Variants in SPOCK3 observed in about 807,000 individuals in gnomAD.
SPOCK3 encodes SPARC (osteonectin), cwcv and kazal like domains proteoglycan 3.
A neutral mutation model predicts 56.6 loss-of-function variants in SPOCK3; 30 were observed. The ratio of observed to expected loss-of-function variants is 0.53; its 90% CI spans 0.40 to 0.72. The LOEUF is 0.72. Ranked by LOEUF, SPOCK3 falls within the 30% of genes least tolerant of loss-of-function variation. SPOCK3 has a pLI of 0.00. For missense variants in SPOCK3, 527 were observed against 530.0 expected (o/e 0.99, Z 0.06); for synonymous variants, 196 against 183.3 (o/e 1.07, Z -0.56).
intron 2 of SPOCK3, among the ~76,000 whole-genome samples, chr4:167,154,771 G>C (rs1191672879): frequency 6.6e-6 from 1 of 152,128 alleles, no homozygotes; most frequent in African/African-American, 2.4e-5. Flanking sequence ...ATTACAGTAT[G>C]TCATCTTTAT....
In SPOCK3 at chr4:166,903,676, TTC is replaced by T. The variant is rs540797572; in HGVS notation, c.474+8942_474+8943del. On this transcript the variant is annotated intron_variant, in intron 5 of 10. Coordinates refer to ENST00000357545, the MANE Select transcript of SPOCK3 (RefSeq NM_001040159.2). The stretch of plus-strand genomic sequence containing the variant: ...GTGTTTTGTTTTTTCCTGTCTCAGT[TTC>T]TGTGTTAGTGTTGTTACCTTCTAGT... Among the ~76,000 whole-genome samples the T allele has an allele frequency of 2.0e-5, 3 of 152,174 alleles. No individual in the cohort carries two copies. In the South Asian group the frequency reaches 6.2e-4, roughly 32 times the overall value.
At chr4:167,142,631 CA>C (rs1274886910) in intron 2 of SPOCK3, among the ~76,000 whole-genome samples, 1 of 151,832 alleles carries the variant, frequency 6.6e-6, no homozygotes, top group Non-Finnish European at 1.5e-5. Flanking sequence ...CTGTTGACCT[CA>C]TTGAAAACCG....
intron 4 of SPOCK3, among the ~76,000 whole-genome samples, chr4:166,983,882 A>G (rs915121143): frequency 6.6e-6 from 1 of 152,046 alleles, no homozygotes; most frequent in Non-Finnish European, 1.5e-5. Context: ...TGTCTTACAG[A>G]TAGTAGGTAC....
intron 5 of SPOCK3, among the ~76,000 whole-genome samples, chr4:166,908,794 A>T (rs560180045): frequency 3.0e-4 from 45 of 152,172 alleles, no homozygotes; most frequent in Non-Finnish European, 5.0e-4. Context: ...TACATCCATG[A>T]TCTAACATAA....
chr4:167,119,542 A>T (rs1761698268), intron 2 of SPOCK3, among the ~76,000 whole-genome samples: 1 of 152,182 alleles, frequency 6.6e-6, no homozygotes, highest in Non-Finnish European at 1.5e-5. Context: ...TCTTAACAAA[A>T]TACTCATCTC....
chr4:167,205,391 T>TAATATATAATATA (rs1734090150), intron 2 of SPOCK3, among the ~76,000 whole-genome samples: 2 of 42,866 alleles, frequency 4.7e-5, no homozygotes, highest in African/African-American at 2.4e-4. Context: ...ATATATATAT[T>TAATATATAATATA]TTATATATAA....
intron 2 of SPOCK3, among the ~76,000 whole-genome samples, chr4:167,212,596 TTGA>T (rs1734991456): frequency 6.6e-6 from 1 of 152,120 alleles, no homozygotes; most frequent in Non-Finnish European, 1.5e-5. Flanking sequence ...CAAGAAAATT[TTGA>T]TGATTTTAAC....
chr4:166,742,418 T>A (rs1324665913), intron 8 of SPOCK3, among the ~76,000 whole-genome samples: 3 of 152,162 alleles, frequency 2.0e-5, no homozygotes, highest in Non-Finnish European at 2.9e-5. Context: ...ATACTTCTTA[T>A]CATTTACTTT....
chr4:166,921,665 C>T (rs1180799638), intron 4 of SPOCK3, among the ~76,000 whole-genome samples: 2 of 152,020 alleles, frequency 1.3e-5, no homozygotes, highest in East Asian at 1.9e-4. Context: ...GACTCACTAG[C>T]CAAGGAACTG....
At chr4:166,740,178 G>T (rs1443357380) in intron 9 of SPOCK3, among the ~76,000 whole-genome samples, 1 of 151,844 alleles carries the variant, frequency 6.6e-6, no homozygotes, top group Non-Finnish European at 1.5e-5. Flanking sequence ...CAGGACATGG[G>T]GCATCATACT....
intron 4 of SPOCK3, among the ~76,000 whole-genome samples, chr4:166,958,777 A>T (rs1183423645): frequency 6.6e-6 from 1 of 152,110 alleles, no homozygotes; most frequent in Non-Finnish European, 1.5e-5. Flanking sequence ...TTCTACTAGA[A>T]CCTAAGGTCT....
At chr4:166,841,875 A>C (rs1747397030) in intron 6 of SPOCK3, among the ~76,000 whole-genome samples, 1 of 152,162 alleles carries the variant, frequency 6.6e-6, no homozygotes, top group Admixed American at 6.5e-5. Context: ...TTCAAGAATG[A>C]AGCCGTGGAC....
intron 2 of SPOCK3, among the ~76,000 whole-genome samples, chr4:167,140,165 G>A (rs1318544773): frequency 6.6e-6 from 1 of 152,052 alleles, no homozygotes; most frequent in Admixed American, 6.6e-5. Flanking sequence ...GTGAGATGAT[G>A]CATTAGTTTA....
chr4:166,916,882 T>C (rs1049556810), intron 4 of SPOCK3, among the ~76,000 whole-genome samples: 4 of 152,200 alleles, frequency 2.6e-5, no homozygotes, highest in Non-Finnish European at 4.4e-5. Flanking sequence ...GAAGCATAAA[T>C]AGTGCATATT....
intron 4 of SPOCK3, among the ~76,000 whole-genome samples, chr4:166,918,943 T>C (rs972909245): frequency 1.5e-4 from 23 of 152,076 alleles, no homozygotes; most frequent in African/African-American, 5.6e-4. Flanking sequence ...TCTGTCTTGA[T>C]TTCTCTCTGG....
intron 2 of SPOCK3, among the ~76,000 whole-genome samples, chr4:167,208,430 C>T (rs1186967903): frequency 6.6e-6 from 1 of 151,996 alleles, no homozygotes; most frequent in African/African-American, 2.4e-5. Flanking sequence ...AGACTCAAGT[C>T]GCTTACTTTT....
intron 2 of SPOCK3, among the ~76,000 whole-genome samples, chr4:167,141,285 T>G (rs1763508729): frequency 6.6e-6 from 1 of 152,042 alleles, no homozygotes. Context: ...AGCCTCCTAA[T>G]TTTTCCAGAC....
At position 166,935,308 on chromosome 4, in the gene SPOCK3, A is replaced by G. The variant is rs371178284; in HGVS notation, c.351-22565T>C. On this transcript the variant is annotated intron_variant, in intron 4 of 10. Transcript: ENST00000357545. ...CAGGCTTGCTCCCACTTACAATAAA[A>G]GTGGCAAAACTCCAAGCTCGATGTT... is the stretch of plus-strand genomic sequence containing the variant. 8.5e-5 allele frequency among the ~76,000 whole-genome samples: 13 copies of G among 152,294 alleles called. 1 individual carries two copies. Among genetic ancestry groups the G allele is most frequent in the African/African-American group, 3.1e-4 (13 of 41,568 alleles).
chr4:167,228,344 G>A (rs1479692238), intron 2 of SPOCK3, among the ~76,000 whole-genome samples: 1 of 152,014 alleles, frequency 6.6e-6, no homozygotes, highest in African/African-American at 2.4e-5. Flanking sequence ...TTTACACTTA[G>A]TTACACTTTT....
Sources: allele counts gnomAD v4.1 joint callset (sites outside exome capture counted in the v4.1 genomes callset), GRCh38; gene constraint gnomAD v4.1.1; transcripts MANE v1.5; gene names NCBI Gene and HGNC (gene_info 2026-07-23, HGNC 2026-07-21).